The following DPP10 variants were observed in gnomAD, a reference collection of about 807,000 sequenced individuals.
The protein encoded by DPP10 is inactive dipeptidyl peptidase 10.
A neutral mutation model predicts 120.9 loss-of-function variants in DPP10; 33 were observed. The observed-to-expected ratio is 0.27, with a 90% CI of 0.21 to 0.37. DPP10 has a LOEUF of 0.37. DPP10 is among the 10% of genes least tolerant of loss of function. The pLI, the probability that DPP10 is intolerant of heterozygous loss-of-function variation, is 1.00. For missense variants in DPP10, 816 were observed against 942.8 expected, an observed-to-expected ratio of 0.87 and a Z score of 1.76; for synonymous variants, 337 against 326.1, an observed-to-expected ratio of 1.03 and a Z score of -0.36.
chr2:115,021,719 T>C (rs1019699878), intron 1 of DPP10, among the ~76,000 whole-genome samples: 3 of 152,074 alleles, frequency 2.0e-5, no homozygotes, highest in Non-Finnish European at 4.4e-5. Flanking sequence ...AAAAGAAAAC[T>C]TCAGACCAAT....
At chr2:115,091,536 CT>C in intron 1 of DPP10, among the ~76,000 whole-genome samples, 1 of 152,232 alleles carries the variant, frequency 6.6e-6, no homozygotes, top group South Asian at 2.1e-4. Flanking sequence ...CTTCTCCCCC[CT>C]CAACCCCAAC....
At chr2:115,487,207 C>T (rs2075829881) in intron 3 of DPP10, among the ~76,000 whole-genome samples, 1 of 141,682 alleles carries the variant, frequency 7.1e-6, no homozygotes, top group Admixed American at 7.3e-5. Flanking sequence ...AACTACAAAC[C>T]ACTGCTCAAG....
intron 1 of DPP10, among the ~76,000 whole-genome samples, chr2:115,091,922 A>G (rs1709300649): frequency 1.3e-5 from 2 of 152,324 alleles, no homozygotes; most frequent in South Asian, 2.1e-4. Flanking sequence ...CTTTCTTGGC[A>G]AAAGTGCTAA....
At chr2:115,527,840 AT>A (rs894600629) in intron 5 of DPP10, among the ~76,000 whole-genome samples, 11 of 151,986 alleles carry the variant, frequency 7.2e-5, no homozygotes, top group Admixed American at 1.3e-4. Context: ...AGAATGGTTA[AT>A]TTTTTTTAAG....
At chr2:115,130,501 T>TCTATCCATCCATCC (rs2050293271) in intron 1 of DPP10, among the ~76,000 whole-genome samples, 2 of 144,858 alleles carry the variant, frequency 1.4e-5, no homozygotes, top group African/African-American at 5.2e-5. Flanking sequence ...TCCATCCATC[T>TCTATCCATCCATCC]ATCCATCCAT....
chr2:115,525,722 G>A (rs2078091394), intron 4 of DPP10, among the ~76,000 whole-genome samples, 176 bp from the exon 5 acceptor site: 1 of 151,940 alleles, frequency 6.6e-6, no homozygotes, highest in South Asian at 2.1e-4. Flanking sequence ...TCCTCTTTAA[G>A]CTTTTTATAT....
intron 1 of DPP10, among the ~76,000 whole-genome samples, chr2:115,085,706 T>C (rs2104522235): frequency 6.6e-6 from 1 of 152,316 alleles, no homozygotes; most frequent in Admixed American, 6.5e-5. Flanking sequence ...CTCATTTAAC[T>C]CAGCCTTTTT....
At chr2:115,466,621 T>A (rs1224902580) in intron 3 of DPP10, among the ~76,000 whole-genome samples, 1 of 152,160 alleles carries the variant, frequency 6.6e-6, no homozygotes, top group African/African-American at 2.4e-5. Context: ...ATATACATCT[T>A]ATTACTTTTG....
chr2:114,543,823 A>G (rs62165189), intron 1 of DPP10, among the ~76,000 whole-genome samples: 4 of 151,754 alleles, frequency 2.6e-5, no homozygotes, highest in Non-Finnish European at 4.4e-5. Flanking sequence ...CTGCTAGTCT[A>G]CTAGACTTTT....
chr2:115,004,819 T>C (rs1284696733), intron 1 of DPP10, among the ~76,000 whole-genome samples: 2 of 151,978 alleles, frequency 1.3e-5, no homozygotes, highest in Non-Finnish European at 2.9e-5. Flanking sequence ...CCAGGCTTGC[T>C]TAGGTAAACA....
At chr2:114,899,753 C>G (rs559201532) in intron 1 of DPP10, among the ~76,000 whole-genome samples, 62 of 152,134 alleles carry the variant, frequency 4.1e-4, no homozygotes, top group African/African-American at 1.4e-3. Flanking sequence ...GTCAGGAGAT[C>G]GAGACCATCC....
At chr2:115,477,948 AG>A (rs1279649498) in intron 3 of DPP10, among the ~76,000 whole-genome samples, 1 of 152,144 alleles carries the variant, frequency 6.6e-6, no homozygotes, top group Non-Finnish European at 1.5e-5. Context: ...AGAAGGAAAA[AG>A]GGTAGCTGGC....
chr2:115,827,297 A>ATG (rs1559209143), intron 21 of DPP10, among the ~76,000 whole-genome samples: 2 of 108,088 alleles, frequency 1.9e-5, no homozygotes, highest in Non-Finnish European at 3.9e-5. Flanking sequence ...ATATATACAC[A>ATG]TACATATATA....
intron 1 of DPP10, among the ~76,000 whole-genome samples, chr2:114,790,702 T>C (rs953555601): frequency 2.0e-5 from 3 of 152,148 alleles, no homozygotes; most frequent in African/African-American, 7.2e-5. Flanking sequence ...GGGGTGCTTT[T>C]TGAGCCAGGA....
At chr2:115,456,088 C>T (rs1327403990) in intron 3 of DPP10, among the ~76,000 whole-genome samples, 1 of 151,832 alleles carries the variant, frequency 6.6e-6, no homozygotes, top group Non-Finnish European at 1.5e-5. Flanking sequence ...GGCTAATATC[C>T]AAAATCTACA....
At chr2:114,625,795 C>T (rs1694465037) in intron 1 of DPP10, among the ~76,000 whole-genome samples, 1 of 151,846 alleles carries the variant, frequency 6.6e-6, no homozygotes, top group Non-Finnish European at 1.5e-5. Context: ...AGTTTCTTGT[C>T]AACATATAAG....
intron 1 of DPP10, among the ~76,000 whole-genome samples, chr2:115,259,737 A>G (rs559653592): frequency 6.6e-6 from 1 of 152,216 alleles, no homozygotes; most frequent in African/African-American, 2.4e-5. Context: ...TTGGATGACC[A>G]TTTAGCGGCC....
intron 9 of DPP10, among the ~76,000 whole-genome samples, chr2:115,741,116 T>C (rs1677206617): frequency 6.6e-6 from 1 of 152,176 alleles, no homozygotes; most frequent in South Asian, 2.1e-4. Flanking sequence ...ACCATATTCA[T>C]TTTATCCAAA....
chr2:114,477,437 A>G (rs1190257129), intron 1 of DPP10, among the ~76,000 whole-genome samples: 1 of 152,088 alleles, frequency 6.6e-6, no homozygotes, highest in African/African-American at 2.4e-5. Flanking sequence ...ATATGTATAT[A>G]TGAAATACTG....
Sources: gnomAD v4.1 joint callset for allele counts (sites outside exome capture counted in the v4.1 genomes callset) on GRCh38, gnomAD v4.1.1 for gene constraint, MANE v1.5 for transcripts, NCBI Gene and HGNC (gene_info 2026-07-23, HGNC 2026-07-21) for gene names.